C2CD3: variants seen among roughly 807,000 people sequenced by gnomAD.
The protein encoded by C2CD3 is C2 domain-containing protein 3.
A neutral mutation model predicts 234.0 loss-of-function variants in C2CD3; 148 were observed. That is an observed-to-expected ratio of 0.63 (90% CI 0.55 to 0.72). C2CD3 has a LOEUF of 0.72. Among genes scored for constraint, C2CD3 ranks in the 30% least tolerant of loss-of-function variants. The pLI is 0.00. For synonymous variants in C2CD3, 1,000 were observed against 1,035.4 expected, an observed-to-expected ratio of 0.97 and a Z score of 0.66; for missense variants, 2,577 against 2,811.5, an observed-to-expected ratio of 0.92 and a Z score of 1.89.
chr11:74,142,877 C>G (rs1854901283), intron 3 of C2CD3, among the ~76,000 whole-genome samples: 1 of 152,164 alleles, frequency 6.6e-6, no homozygotes, highest in African/African-American at 2.4e-5. Context: ...CATCCTGGTG[C>G]TCACTCCTCT....
At chr11:74,121,158 T>C (rs558058858) in intron 8 of C2CD3, among the ~76,000 whole-genome samples, 19 of 152,318 alleles carry the variant, frequency 1.2e-4, no homozygotes, top group Non-Finnish European at 2.5e-4. Flanking sequence ...TGACACACTG[T>C]GGTCTAGTAG....
chr11:74,042,439 C>T (rs190975338), intron 28 of C2CD3, among the ~76,000 whole-genome samples: 1 of 152,054 alleles, frequency 6.6e-6, no homozygotes, highest in African/African-American at 2.4e-5. Context: ...TTCTTCACAA[C>T]AAGCAGAGTG....
chr11:74,059,089 G>A (rs1417072710), intron 24 of C2CD3, among the ~76,000 whole-genome samples: 1 of 152,168 alleles, frequency 6.6e-6, no homozygotes, highest in Non-Finnish European at 1.5e-5. Context: ...GAAAAGAGAT[G>A]AGCAGAGCAG....
chr11:74,075,786 C>CAACACAGT lies in C2CD3; in HGVS notation c.4604-1194_4604-1187dup, dbSNP rs1482774614. Reference sequence around the variant, plus strand: ...TTACAGGTGGGAAGACACCCAAAAGCAACACAGTTAAATCCTTATCCTCAG... The same window carrying CAACACAGT: ...TTACAGGTGGGAAGACACCCAAAAGCAACACAGTAACACAGTTAAATCCTTATCCTCAG... On this transcript the variant is annotated intron_variant, in intron 23 of 32. Transcript: ENST00000334126. Among the ~76,000 whole-genome samples, 15 of 152,282 alleles carry CAACACAGT rather than the reference C, an allele frequency of 9.9e-5. No homozygotes were observed. In the East Asian group the frequency reaches 2.7e-3, roughly 27 times the overall value.
intron 32 of C2CD3, among the ~76,000 whole-genome samples, chr11:74,017,200 T>G (rs904683439): frequency 6.6e-6 from 1 of 152,206 alleles, no homozygotes; most frequent in Non-Finnish European, 1.5e-5. Flanking sequence ...GATCTTATTC[T>G]TCTTGGACTT....
At chr11:74,051,585 A>T (rs1001486202) in intron 26 of C2CD3, among the ~76,000 whole-genome samples, 28 of 152,294 alleles carry the variant, frequency 1.8e-4, no homozygotes, top group African/African-American at 6.0e-4. Context: ...AGTCAACAAG[A>T]ACTTCCCTCA....
At position 74,117,063 on chromosome 11, in the gene C2CD3, T is replaced by TATATATATGA. The variant is rs1957006449; in HGVS notation, c.1520+1164_1520+1165insTCATATATAT. ...ACGTGTGTGTGTATATATATATGAATATATATATATGAATATATATATGAA... is the reference window on the plus strand; with the variant it reads ...ACGTGTGTGTGTATATATATATGAATATATATATGAATATATATATGAATATATATATGAA... On this transcript the variant is annotated intron_variant, in intron 9 of 32. Transcript: ENST00000334126. Among the ~76,000 whole-genome samples the TATATATATGA allele has an allele frequency of 6.5e-5, 3 of 46,144 alleles. No homozygotes were observed. The South Asian group carries it at 1.8e-3, about 27-fold the overall frequency. 30.3% of individuals were successfully genotyped at this position (46,144 alleles called of 152,430 possible). A position where few individuals can be genotyped will look rare whatever the true frequency, so the allele number is the denominator to read the frequency against.
At chr11:74,060,457 G>A (rs1954180199) in intron 24 of C2CD3, among the ~76,000 whole-genome samples, 1 of 152,192 alleles carries the variant, frequency 6.6e-6, no homozygotes, top group South Asian at 2.1e-4. Context: ...CTGCTGTTCT[G>A]CAATATTTGC....
Position 74,093,847 on chromosome 11 carries a change from C to T in C2CD3, c.3313G>A (p.Gly1105Arg). The change falls in exon 18 of 33, where the codon GGA (glycine) becomes AGA (arginine). Residue 1105 changes from glycine (G) to arginine (R), a missense_variant. Physicochemically the swap from Gly to Arg is moderately radical, Grantham distance 125 (BLOSUM62 -2). Transcript: ENST00000334126. ...SAFSAQGLVPGGGVQFEIWCR... is the reference protein window; with the variant it reads ...SAFSAQGLVPRGGVQFEIWCR... ...CAGATTTCAAACTGGACTCCACCTC[C>T]AGGCACGAGGCCCTGTGCAGAGAAA... is the stretch of plus-strand genomic sequence containing the variant. 6.2e-7 allele frequency: 1 copy of T among 1,614,006 alleles called. No individual in the cohort carries two copies.
At chr11:74,014,178 A>C in intron 32 of C2CD3, among the ~76,000 whole-genome samples, 1 of 151,178 alleles carries the variant, frequency 6.6e-6, no homozygotes, top group African/African-American at 2.4e-5. Flanking sequence ...CTTTTTTCTT[A>C]CTCCATGTCA....
At position 74,078,674 on chromosome 11, in the gene C2CD3, GC is replaced by G; in HGVS notation, c.4043del (p.Gly1348AlafsTer46). ...GCATGAGCTCCAGGCCATGAGGTAG[GC>G]CCCCGTCTTCTGGTAAAATGATAGG... Reference protein sequence around the residue: ...WYPIILPEDGGLPHGLELMQK... With the variant: ...WYPIILPEDGXLPHGLELMQK... On this transcript the variant is annotated frameshift_variant, in exon 23 of 33. Transcript: ENST00000334126. LOFTEE classifies it high-confidence loss of function. The G allele has an allele frequency of 6.2e-7, 1 of 1,611,886 alleles. No individual in the cohort carries two copies.
chr11:74,072,034 C>A (rs1308801303), intron 24 of C2CD3, among the ~76,000 whole-genome samples: 1 of 151,548 alleles, frequency 6.6e-6, no homozygotes, highest in African/African-American at 2.4e-5. Flanking sequence ...AAAAACTTTC[C>A]AAAAATAAAA....
At chr11:74,148,722 T>A (rs965613017) in intron 3 of C2CD3, among the ~76,000 whole-genome samples, 2 of 152,138 alleles carry the variant, frequency 1.3e-5, no homozygotes, top group Non-Finnish European at 2.9e-5. Context: ...CCAAACCTGA[T>A]CTTCCCCTTC....
At chr11:74,168,227 C>T (rs1331257872) in intron 2 of C2CD3, 117 bp downstream of exon 2, 3 of 817,528 alleles carry the variant, frequency 3.7e-6, no homozygotes, top group Admixed American at 2.5e-5. Flanking sequence ...AACTCTTTGA[C>T]TCTTCAATAA....
At chr11:74,097,923 G>T in intron 16 of C2CD3, 86 bp downstream of exon 16, 1 of 1,346,780 alleles carries the variant, frequency 7.4e-7, no homozygotes, top group Non-Finnish European at 1.0e-6. Context: ...TTTCATTACA[G>T]AAATAAAGGA....
At chr11:74,099,763 G>T (rs1956242629) in intron 15 of C2CD3, among the ~76,000 whole-genome samples, 1 of 152,048 alleles carries the variant, frequency 6.6e-6, no homozygotes, top group Non-Finnish European at 1.5e-5. Flanking sequence ...AGGTGTGGTG[G>T]CAGGTGCCTG....
chr11:74,029,217 G>A (rs192859072), intron 31 of C2CD3, among the ~76,000 whole-genome samples: 163 of 152,288 alleles, frequency 1.1e-3, no homozygotes, highest in African/African-American at 3.7e-3. Flanking sequence ...ACTCTGAAGG[G>A]GGTAAAGAGG....
chr11:74,083,271 C>T (rs1955475750), intron 22 of C2CD3, among the ~76,000 whole-genome samples: 1 of 152,154 alleles, frequency 6.6e-6, no homozygotes, highest in South Asian at 2.1e-4. Context: ...CCCTTCCTTA[C>T]ACCTTATACA....
rs1790392 is a variant in C2CD3 at position 74,077,931 on chromosome 11, A to G, written c.4603+184T>C. ...TGGAAGGAACACTTACTAGTCTGTG[A>G]CCCTGGGCAGGTAACTCAATCTCTC... On this transcript the variant is annotated intron_variant, in intron 23 of 32. Coordinates refer to ENST00000334126, the MANE Select transcript of C2CD3 (RefSeq NM_001286577.2). Among the ~76,000 whole-genome samples the G allele has an allele frequency of 0.082, 12,169 of 148,484 alleles. 1,372 individuals are homozygous for G. Among genetic ancestry groups the G allele is most frequent in the African/African-American group, 0.25 (9,974 of 40,192 alleles).
Sources: allele counts gnomAD v4.1 joint callset (sites outside exome capture counted in the v4.1 genomes callset), GRCh38; gene constraint gnomAD v4.1.1; transcripts MANE v1.5; gene names NCBI Gene and HGNC (gene_info 2026-07-23, HGNC 2026-07-21).